The following GRIA4 variants were observed in gnomAD, a reference collection of about 807,000 sequenced individuals.
GRIA4 encodes glutamate receptor 4.
A neutral mutation model predicts 104.0 loss-of-function variants in GRIA4; 34 were observed. That is an observed-to-expected ratio of 0.33 (90% CI 0.25 to 0.44). GRIA4 has a LOEUF of 0.44. Among genes scored for constraint, GRIA4 ranks in the 20% least tolerant of loss-of-function variants. The pLI is 1.00. For synonymous variants in GRIA4, 386 were observed against 381.9 expected (o/e 1.01, Z -0.13); for missense variants, 750 against 1,096.5 (o/e 0.68, Z 4.46).
intron 10 of GRIA4, among the ~76,000 whole-genome samples, chr11:105,913,786 T>C (rs960423274): frequency 6.6e-6 from 1 of 152,096 alleles, no homozygotes; most frequent in Non-Finnish European, 1.5e-5. Flanking sequence ...TTATGATGCA[T>C]TGCTCAACTA....
At chr11:105,709,574 T>C (rs1953836646) in intron 3 of GRIA4, among the ~76,000 whole-genome samples, 1 of 152,110 alleles carries the variant, frequency 6.6e-6, no homozygotes, top group South Asian at 2.1e-4. Flanking sequence ...AACCACGTAA[T>C]TGAAGGTAAC....
At chr11:105,888,459 T>G (rs998213311) in intron 6 of GRIA4, among the ~76,000 whole-genome samples, 1 of 151,272 alleles carries the variant, frequency 6.6e-6, no homozygotes, top group African/African-American at 2.4e-5. Context: ...AATTTTTTTT[T>G]GTATTTTTAG....
At chr11:105,948,833 C>T (rs1381660669) in intron 14 of GRIA4, among the ~76,000 whole-genome samples, 1 of 151,826 alleles carries the variant, frequency 6.6e-6, no homozygotes, top group African/African-American at 2.4e-5. Context: ...CCTCATGATC[C>T]GCCCACCTCG....
intron 4 of GRIA4, among the ~76,000 whole-genome samples, chr11:105,861,318 G>A (rs1370249548): frequency 6.6e-6 from 1 of 151,792 alleles, no homozygotes; most frequent in Non-Finnish European, 1.5e-5. Context: ...CTTTCCCTTG[G>A]GCCAAGCCTT....
intron 5 of GRIA4, among the ~76,000 whole-genome samples, chr11:105,864,894 T>G (rs1292990564): frequency 6.6e-6 from 1 of 152,094 alleles, no homozygotes; most frequent in African/African-American, 2.4e-5. Context: ...TCTAGAAGGA[T>G]GGGCACATTT....
chr11:105,899,447 A>G (rs1307855304), intron 7 of GRIA4, among the ~76,000 whole-genome samples: 1 of 152,176 alleles, frequency 6.6e-6, no homozygotes, highest in Non-Finnish European at 1.5e-5. Context: ...ACAGGATATA[A>G]TTATTTTAAT....
intron 4 of GRIA4, among the ~76,000 whole-genome samples, chr11:105,774,017 A>AT (rs1009227040): frequency 8.6e-5 from 13 of 151,696 alleles, no homozygotes; most frequent in African/African-American, 3.1e-4. Context: ...AAGAGAATAA[A>AT]TTTTTTTGTA....
At chr11:105,753,273 A>G (rs1458033707) in intron 4 of GRIA4, 53 bp downstream of exon 4, 5 of 1,540,096 alleles carry the variant, frequency 3.2e-6, no homozygotes, top group Non-Finnish European at 4.5e-6. Context: ...TCAATGTGAA[A>G]TGGCCTTATA....
chr11:105,759,767 G>A (rs1468218105), intron 4 of GRIA4, among the ~76,000 whole-genome samples: 1 of 152,038 alleles, frequency 6.6e-6, no homozygotes, highest in Non-Finnish European at 1.5e-5. Context: ...ACTTCCTCTG[G>A]AAGTCTTCTT....
chr11:105,699,715 C>T (rs1026448699), intron 3 of GRIA4, among the ~76,000 whole-genome samples: 2 of 152,056 alleles, frequency 1.3e-5, no homozygotes, highest in Non-Finnish European at 2.9e-5. Flanking sequence ...CATGGACACG[C>T]ACGGGGCTCT....
intron 5 of GRIA4, among the ~76,000 whole-genome samples, chr11:105,877,030 T>C (rs1945853101): frequency 6.6e-6 from 1 of 152,228 alleles, no homozygotes; most frequent in African/African-American, 2.4e-5. Flanking sequence ...CAATTGAGTA[T>C]GTTTTTTGCA....
intron 4 of GRIA4, among the ~76,000 whole-genome samples, chr11:105,850,481 A>T (rs775744441): frequency 6.6e-6 from 1 of 152,170 alleles, no homozygotes; most frequent in Non-Finnish European, 1.5e-5. Context: ...CTAAGTAGTA[A>T]CTCAAAAGCT....
intron 14 of GRIA4, among the ~76,000 whole-genome samples, chr11:105,934,310 A>G (rs1437566863): frequency 6.6e-6 from 1 of 152,096 alleles, no homozygotes; most frequent in Non-Finnish European, 1.5e-5. Flanking sequence ...TGTCAGTGAT[A>G]ATTCTACATT....
At chr11:105,681,294 G>T (rs1190825765) in intron 3 of GRIA4, among the ~76,000 whole-genome samples, 1 of 152,214 alleles carries the variant, frequency 6.6e-6, no homozygotes, top group Non-Finnish European at 1.5e-5. Context: ...TGAGGGATGT[G>T]AGGACAGACC....
At chr11:105,965,876 T>C (rs1858337158) in intron 14 of GRIA4, 6 of 1,066,374 alleles carry the variant, frequency 5.6e-6, no homozygotes, top group Non-Finnish European at 8.6e-6. Flanking sequence ...TATAAAGAGC[T>C]TAAGTCCTCA....
At chr11:105,646,661 C>T (rs556942971) in intron 3 of GRIA4, among the ~76,000 whole-genome samples, 7 of 152,202 alleles carry the variant, frequency 4.6e-5, no homozygotes, top group African/African-American at 1.4e-4. Flanking sequence ...ATCTGATCTT[C>T]GACAAAGCTG....
intron 3 of GRIA4, among the ~76,000 whole-genome samples, chr11:105,634,868 A>C (rs1432919354): frequency 6.6e-6 from 1 of 152,200 alleles, no homozygotes; most frequent in Non-Finnish European, 1.5e-5. Flanking sequence ...AGCTTTAGAA[A>C]ATCCATTCTA....
chr11:105,848,629 A>G (rs1219085053), intron 4 of GRIA4, among the ~76,000 whole-genome samples: 3 of 152,174 alleles, frequency 2.0e-5, no homozygotes, highest in Admixed American at 6.5e-5. Flanking sequence ...GTTAGTTGCT[A>G]TCCTGGTGGG....
chr11:105,888,107 T>C (rs1198664917), intron 6 of GRIA4, among the ~76,000 whole-genome samples: 1 of 152,090 alleles, frequency 6.6e-6, no homozygotes, highest in Non-Finnish European at 1.5e-5. Context: ...TCCTTTTAGA[T>C]ATCTTGGCAA....
Sources: gnomAD v4.1 joint callset for allele counts (sites outside exome capture counted in the v4.1 genomes callset) on GRCh38, gnomAD v4.1.1 for gene constraint, MANE v1.5 for transcripts, NCBI Gene and HGNC (gene_info 2026-07-23, HGNC 2026-07-21) for gene names.